The following CHST9 variants were observed in gnomAD, a reference collection of about 807,000 sequenced individuals.
CHST9 encodes carbohydrate sulfotransferase 9.
A neutral mutation model predicts 44.4 loss-of-function variants in CHST9; 41 were observed. That is an observed-to-expected ratio of 0.92 (90% CI 0.72 to 1.20). The LOEUF (loss-of-function observed/expected upper bound fraction) is 1.20. Ranked by LOEUF, CHST9 falls within the 50% of genes most tolerant of loss-of-function variation. The pLI, the probability that CHST9 is intolerant of heterozygous loss-of-function variation, is 0.00. For missense variants in CHST9, 504 were observed against 516.5 expected (o/e 0.98, Z 0.23); for synonymous variants, 171 against 178.4 (o/e 0.96, Z 0.33).
chr18:27,015,363 G>T (rs1488730359), intron 4 of CHST9, among the ~76,000 whole-genome samples: 1 of 149,738 alleles, frequency 6.7e-6, no homozygotes, highest in East Asian at 2.0e-4. Context: ...GTGTGTGCAG[G>T]CACTACGCAT....
intron 4 of CHST9, among the ~76,000 whole-genome samples, chr18:27,005,839 T>C (rs2057009860): frequency 6.6e-6 from 1 of 152,100 alleles, no homozygotes; most frequent in African/African-American, 2.4e-5. Context: ...GTTCTGCCCT[T>C]GCAGTCCCTG....
At chr18:27,183,125 G>C (rs923662145) in intron 1 of CHST9, among the ~76,000 whole-genome samples, 1 of 151,332 alleles carries the variant, frequency 6.6e-6, no homozygotes, top group African/African-American at 2.4e-5. Flanking sequence ...GGTGGGGGGT[G>C]GGGGGAAAGC....
chr18:27,121,154 C>T (rs1379244561), intron 2 of CHST9, among the ~76,000 whole-genome samples: 9 of 152,134 alleles, frequency 5.9e-5, no homozygotes, highest in Admixed American at 5.9e-4. Flanking sequence ...AGGCACCACA[C>T]TTGGCTAATT....
At chr18:27,033,050 G>A (rs1309927068) in intron 3 of CHST9, among the ~76,000 whole-genome samples, 1 of 152,178 alleles carries the variant, frequency 6.6e-6, no homozygotes. Context: ...CTGAAAGCAG[G>A]TGTTCCCAGG....
At chr18:26,932,689 C>T (rs779661125) in intron 5 of CHST9, among the ~76,000 whole-genome samples, 1 of 152,148 alleles carries the variant, frequency 6.6e-6, no homozygotes, top group Non-Finnish European at 1.5e-5. Flanking sequence ...TGAAGAAGAA[C>T]ATTTATTTCC....
intron 4 of CHST9, among the ~76,000 whole-genome samples, chr18:26,964,328 A>C (rs2056437820): frequency 6.6e-6 from 1 of 152,192 alleles, no homozygotes; most frequent in Admixed American, 6.5e-5. Context: ...ATGTATGTTC[A>C]TTCTCAACCG....
At chr18:27,124,740 C>T (rs2058405620) in intron 2 of CHST9, among the ~76,000 whole-genome samples, 1 of 152,192 alleles carries the variant, frequency 6.6e-6, no homozygotes, top group African/African-American at 2.4e-5. Context: ...ACCTAATTTT[C>T]TGCCACTGGT....
intron 4 of CHST9, among the ~76,000 whole-genome samples, chr18:27,010,804 C>G (rs1321299018): frequency 6.6e-6 from 1 of 152,136 alleles, no homozygotes; most frequent in Non-Finnish European, 1.5e-5. Context: ...CTGATCGGGA[C>G]TGTTTCTAAG....
intron 5 of CHST9, among the ~76,000 whole-genome samples, chr18:26,943,762 C>T (rs894673154): frequency 6.6e-6 from 1 of 152,104 alleles, no homozygotes. Context: ...TATAGAAGGA[C>T]ACCATCTACC....
intron 2 of CHST9, among the ~76,000 whole-genome samples, chr18:27,110,004 A>G (rs2058256523): frequency 6.6e-6 from 1 of 152,194 alleles, no homozygotes; most frequent in Non-Finnish European, 1.5e-5. Flanking sequence ...TGAGTCATTT[A>G]TTACCAGGGT....
chr18:27,056,198 G>C (rs892215694), intron 2 of CHST9, among the ~76,000 whole-genome samples: 1 of 151,828 alleles, frequency 6.6e-6, no homozygotes, highest in Non-Finnish European at 1.5e-5. Flanking sequence ...TTTTTATCAG[G>C]TAAGTATTTA....
chr18:27,096,536 T>C (rs899587463), intron 2 of CHST9, among the ~76,000 whole-genome samples: 1 of 151,882 alleles, frequency 6.6e-6, no homozygotes, highest in African/African-American at 2.4e-5. Flanking sequence ...GATTGCTAGC[T>C]AGATTAACAA....
At chr18:27,051,277 A>G (rs58859890) in intron 2 of CHST9, among the ~76,000 whole-genome samples, 1 of 146,126 alleles carries the variant, frequency 6.8e-6, no homozygotes, top group African/African-American at 2.5e-5. Flanking sequence ...TTAGCCAGGC[A>G]TGGTGGCACA....
At chr18:27,180,556 T>G (rs1411841197) in intron 1 of CHST9, among the ~76,000 whole-genome samples, 2 of 152,130 alleles carry the variant, frequency 1.3e-5, no homozygotes. Context: ...TATCACATAT[T>G]AGTTGATACC....
At chr18:27,053,128 G>GA (rs2057589497) in intron 2 of CHST9, among the ~76,000 whole-genome samples, 4 of 123,030 alleles carry the variant, frequency 3.3e-5, no homozygotes, top group Admixed American at 9.3e-5. Flanking sequence ...GGAGGAAGAA[G>GA]AGGAAGAAGA....
At chr18:27,168,116 G>A (rs1446865619) in intron 1 of CHST9, among the ~76,000 whole-genome samples, 4 of 147,828 alleles carry the variant, frequency 2.7e-5, no homozygotes, top group Admixed American at 1.4e-4. Context: ...GCTCTGTCGC[G>A]CAGGCTGGAG....
rs71169902 is a variant in CHST9 at position 26,956,326 on chromosome 18, AAT to A, written c.203-11962_203-11961del. 9.0e-3 allele frequency among the ~76,000 whole-genome samples: 1,130 copies of A among 125,628 alleles called. 8 individuals carry two copies. The highest frequency in any genetic ancestry group is 0.012 in the Non-Finnish European group (723 of 62,270). The allele number at this position is 125,628 out of a possible 152,430, so 82.4% of individuals were successfully genotyped here. On this transcript the variant is annotated intron_variant, in intron 4 of 5. Transcript: ENST00000618847. ...GACTCTGTCTCAAAAAAAAAAAAAA[AAT>A]ATATATATATATATATACACACACA...
chr18:27,009,091 G>T (rs558666053), intron 4 of CHST9, among the ~76,000 whole-genome samples: 3 of 152,186 alleles, frequency 2.0e-5, no homozygotes, highest in South Asian at 4.1e-4. Context: ...AAGAGGAAAG[G>T]GGGTCCTGTT....
chr18:26,993,406 A>T (rs2056848159), intron 4 of CHST9, among the ~76,000 whole-genome samples: 1 of 152,248 alleles, frequency 6.6e-6, no homozygotes, highest in African/African-American at 2.4e-5. Context: ...AAATGGTATT[A>T]GTAAACTAAT....
Sources: gnomAD v4.1 joint callset for allele counts (sites outside exome capture counted in the v4.1 genomes callset) on GRCh38, gnomAD v4.1.1 for gene constraint, MANE v1.5 for transcripts, NCBI Gene and HGNC (gene_info 2026-07-23, HGNC 2026-07-21) for gene names.